The following DYNLT3 variants were observed in gnomAD, a reference collection of about 807,000 sequenced individuals.
The protein encoded by DYNLT3 is protein 91/23.
A neutral mutation model predicts 11.0 loss-of-function variants in DYNLT3; 4 were observed. The observed-to-expected ratio is 0.36, with a 90% CI of 0.18 to 0.83. The LOEUF is 0.83. Among genes scored for constraint, DYNLT3 ranks in the 40% least tolerant of loss-of-function variants. The probability of loss-of-function intolerance (pLI) is 0.47; values close to 1 mark genes in which losing one functional copy is unlikely to be tolerated. For synonymous variants in DYNLT3, 37 were observed against 31.2 expected (o/e 1.18, Z -0.61); for missense variants, 91 against 91.1 (o/e 1.00, Z 0.01).
rs747649732 is a variant in DYNLT3, at chrX:37,840,649, T to A, written c.277A>T (p.Thr93Ser). 22 of 1,189,740 alleles carry A rather than the reference T, an allele frequency of 1.8e-5. No individual in the cohort carries two copies. Among genetic ancestry groups the A allele is most frequent in the Middle Eastern group, 2.4e-4 (1 of 4,212 alleles). Reference protein sequence around the residue: ...SCFWDTTSDGTCTVRWENRTM... With the variant: ...SCFWDTTSDGSCTVRWENRTM... ...CGGTTCTCCCATCTTACGGTACAGG[T>A]TCCTGAAACACAAAAAAAGGATTTT... The change falls in exon 5 of 5, where the codon ACC becomes TCC. Residue 93 changes from threonine (T) to serine (S), a missense_variant and splice_region_variant. By Grantham distance (58) the Thr-to-Ser change is moderately conservative. Coordinates refer to ENST00000378578, the MANE Select transcript of DYNLT3 (RefSeq NM_006520.3).
chrX:37,841,938 A>G, intron 2 of DYNLT3, 33 bp from the exon 3 acceptor site: 1 of 1,062,077 alleles, frequency 9.4e-7, no homozygotes, highest in Non-Finnish European at 1.2e-6. Context: ...TAATTTAGTC[A>G]GTAAAATTGT....
Position 37,839,541 on chromosome X carries a change from A to G in DYNLT3, c.*1034T>C, listed in dbSNP as rs997140473. ...ACTACTTGTATAGGTAAGACTGATA[A>G]TAAGGCCTTTAACTAAGAGTTGCAT... On this transcript the variant is annotated 3_prime_UTR_variant, in exon 5 of 5. Transcript: ENST00000378578. 8.9e-6 allele frequency: 1 copy of G among 112,377 alleles called. No individual in the cohort carries two copies. Among genetic ancestry groups the G allele is most frequent in the African/African-American group, 3.2e-5 (1 of 30,891 alleles). 9.3% of individuals were successfully genotyped at this position (112,377 alleles called of 1,213,427 possible).
At chrX:37,846,178 A>T (rs746064407) in intron 2 of DYNLT3, 139 bp downstream of exon 2, 1 of 646,126 alleles carries the variant, frequency 1.5e-6, no homozygotes, top group African/African-American at 2.3e-5. Context: ...CTCAAAAAAC[A>T]ATAAAATAAA....
intron 2 of DYNLT3, among the ~76,000 whole-genome samples, chrX:37,845,786 A>C (rs2146836257): frequency 8.9e-6 from 1 of 112,783 alleles, no homozygotes; most frequent in South Asian, 3.6e-4. Flanking sequence ...AAAATCCTTA[A>C]GCATCTCTTT....
Position 37,840,721 on chromosome X carries a change from TATAC to T in DYNLT3, c.275-74_275-71del, listed in dbSNP as rs1287025662. ...AATTATCAGAGAATATATATATATA[TATAC>T]ACACACACACACACACACACACATA... is the stretch of plus-strand genomic sequence containing the variant. On this transcript the variant is annotated intron_variant, in intron 4 of 4. Coordinates refer to ENST00000378578, the MANE Select transcript of DYNLT3 (RefSeq NM_006520.3). The T allele has an allele frequency of 5.9e-3, 3,440 of 586,475 alleles. 47 individuals are homozygous for T. Among genetic ancestry groups the T allele is most frequent in the African/African-American group, 0.05 (1,912 of 38,490 alleles). The allele number at this position is 586,475 out of a possible 1,213,427, so 48.3% of individuals were successfully genotyped here.
intron 4 of DYNLT3, 40 bp downstream of exon 4, chrX:37,840,988 A>G (rs758226572): frequency 3.4e-6 from 4 of 1,188,490 alleles, no homozygotes; most frequent in Non-Finnish European, 2.3e-6. Flanking sequence ...TGACTTTGCT[A>G]AAAGTTGGAT....
At chrX:37,845,392 T>C (rs9887230) in intron 2 of DYNLT3, among the ~76,000 whole-genome samples, 1,640 of 112,223 alleles carry the variant, frequency 0.015, 36 homozygotes, top group African/African-American at 0.051. Context: ...TCTAAAATAA[T>C]GAACGGTCCC....
At chrX:37,846,095 C>T (rs1371944215) in intron 2 of DYNLT3, among the ~76,000 whole-genome samples, 1 of 112,044 alleles carries the variant, frequency 8.9e-6, no homozygotes, top group Non-Finnish European at 1.9e-5. Flanking sequence ...TGCTTGAACC[C>T]AGGAGGTGGA....
At chrX:37,841,760 G>A in intron 3 of DYNLT3, 22 bp downstream of exon 3, 7 of 1,146,551 alleles carry the variant, frequency 6.1e-6, no homozygotes, top group Non-Finnish European at 8.2e-6. Context: ...GTGAACTAGT[G>A]AGGAAGGATA....
In DYNLT3 at chrX:37,840,613, A is replaced by G; in HGVS notation, c.313T>C (p.Cys105Arg). The part of the protein sequence containing the change: ...TVRWENRTMN[C>R]IVNVFAIAIV... Reference sequence around the variant, plus strand: ...GCAATGGCAAAAACGTTGACAATACAGTTCATGGTCCGGTTCTCCCATCTT... The same window carrying G: ...GCAATGGCAAAAACGTTGACAATACGGTTCATGGTCCGGTTCTCCCATCTT... The change falls in exon 5 of 5, where the codon TGT becomes CGT. Residue 105 changes from cysteine (C) to arginine (R), a missense_variant. Coordinates refer to ENST00000378578, the MANE Select transcript of DYNLT3 (RefSeq NM_006520.3). 1 of 1,206,085 alleles carries G rather than the reference A, an allele frequency of 8.3e-7. No homozygotes were observed. Among genetic ancestry groups the G allele is most frequent in the Non-Finnish European group, 1.1e-6 (1 of 893,055 alleles).
rs371256878 is a variant in DYNLT3, at chrX:37,841,770, A to G, written c.196+12T>C. ...AGCAAGTGAACTAGTGAGGAAGGATACTGATACTTACCAATATATTTATAG... is the reference window on the plus strand; with the variant it reads ...AGCAAGTGAACTAGTGAGGAAGGATGCTGATACTTACCAATATATTTATAG... On this transcript the variant is annotated intron_variant, in intron 3 of 4. Coordinates refer to ENST00000378578, the MANE Select transcript of DYNLT3 (RefSeq NM_006520.3). The G allele has an allele frequency of 5.2e-6, 6 of 1,155,621 alleles. No homozygotes were observed. Among genetic ancestry groups the G allele is most frequent in the South Asian group, 4.2e-5 (2 of 48,135 alleles).
At chrX:37,840,712 A>G in intron 4 of DYNLT3, 61 bp from the exon 5 acceptor site, 1 of 665,608 alleles carries the variant, frequency 1.5e-6, no homozygotes, top group Non-Finnish European at 2.2e-6. Flanking sequence ...CAGAGAATAT[A>G]TATATATATA....
intron 1 of DYNLT3, chrX:37,847,024 T>G (rs778841078): frequency 4.0e-5 from 47 of 1,164,203 alleles, no homozygotes; most frequent in Non-Finnish European, 5.4e-5. Context: ...CCTCCTTGCC[T>G]AATCCTGGCA....
At position 37,841,228 on chromosome X, in the gene DYNLT3, A is replaced by G. The variant is rs984968305; in HGVS notation, c.197-123T>C. On this transcript the variant is annotated intron_variant, in intron 3 of 4. Transcript: ENST00000378578. ...GACAAAAAACAAACAAACAAACAAA[A>G]AACAGAAAACAAAGCGTTCAGCAAA... 1.6e-5 allele frequency: 8 copies of G among 504,153 alleles called. No homozygotes were observed. The Admixed American group carries it at 2.2e-4, about 14-fold the overall frequency. 41.5% of individuals were successfully genotyped at this position (504,153 alleles called of 1,213,427 possible). A position where few individuals can be genotyped will look rare whatever the true frequency, so the allele number is the denominator to read the frequency against.
chrX:37,840,877 G>A lies in DYNLT3; in HGVS notation c.274+151C>T, dbSNP rs919069787. On this transcript the variant is annotated intron_variant, in intron 4 of 4. Transcript: ENST00000378578. ...CTGTTAAGTTTTCACATTTCATATC[G>A]GTCTGAAGGTATACTTGTTACTAGG... 18 of 542,494 alleles carry A rather than the reference G, an allele frequency of 3.3e-5. No individual in the cohort carries two copies. In the African/African-American group the frequency reaches 3.4e-4, roughly 10 times the overall value. The allele number at this position is 542,494 out of a possible 1,213,427, so 44.7% of individuals were successfully genotyped here.
chrX:37,841,309 C>A (rs1219190077), intron 3 of DYNLT3, among the ~76,000 whole-genome samples: 1 of 111,621 alleles, frequency 9.0e-6, no homozygotes, highest in Non-Finnish European at 1.9e-5. Context: ...TGATTTTGAC[C>A]CCACTGGATT....
chrX:37,843,124 C>G (rs779943003), intron 2 of DYNLT3, among the ~76,000 whole-genome samples: 2 of 112,039 alleles, frequency 1.8e-5, no homozygotes, highest in Non-Finnish European at 3.8e-5. Context: ...AATATTTTAG[C>G]AAGGTTGACA....
intron 1 of DYNLT3, chrX:37,847,030 T>C: frequency 1.7e-6 from 2 of 1,166,200 alleles, no homozygotes. Context: ...TGCCTAATCC[T>C]GGCAAGCATT....
intron 1 of DYNLT3, 135 bp downstream of exon 1, chrX:37,847,346 G>C: frequency 1.1e-6 from 1 of 921,270 alleles, no homozygotes; most frequent in Non-Finnish European, 1.4e-6. Flanking sequence ...CCCGGGCCCA[G>C]GGGAGAGGAC....
Sources: gnomAD v4.1 joint callset for allele counts (sites outside exome capture counted in the v4.1 genomes callset) on GRCh38, gnomAD v4.1.1 for gene constraint, MANE v1.5 for transcripts, NCBI Gene and HGNC (gene_info 2026-07-23, HGNC 2026-07-21) for gene names.